The following KHDRBS2 variants were observed in gnomAD, a reference collection of about 807,000 sequenced individuals.
The protein encoded by KHDRBS2 is KH RNA binding domain containing, signal transduction associated 2.
Under a neutral mutation model 44.3 loss-of-function variants are expected in KHDRBS2, and 26 were observed. The observed-to-expected ratio is 0.59, with a 90% CI of 0.43 to 0.81. The LOEUF is 0.81. KHDRBS2 is among the 40% of genes least tolerant of loss of function. The pLI is 0.00. For missense variants in KHDRBS2, 476 were observed against 433.1 expected (o/e 1.10, Z -0.88); for synonymous variants, 194 against 151.1 (o/e 1.28, Z -2.08).
At chr6:61,601,712 A>G in the KHDRBS2 span, among the ~76,000 whole-genome samples, 1 of 151,470 alleles carries the variant, frequency 6.6e-6, no homozygotes, top group Admixed American at 6.6e-5. Context: ...TTTTCTACAG[A>G]CCCATCTCAC....
chr6:61,580,595 G>A, the KHDRBS2 span, among the ~76,000 whole-genome samples: 2 of 152,098 alleles, frequency 1.3e-5, no homozygotes, highest in Non-Finnish European at 2.9e-5. Context: ...AGAGTCTGTG[G>A]CTTCATTCCT....
At chr6:62,070,249 A>G (rs1222229713) in intron 2 of KHDRBS2, among the ~76,000 whole-genome samples, 1 of 151,330 alleles carries the variant, frequency 6.6e-6, no homozygotes, top group Non-Finnish European at 1.5e-5. Flanking sequence ...AGGGATATTG[A>G]TATATAGTTT....
intron 2 of KHDRBS2, among the ~76,000 whole-genome samples, chr6:62,053,999 C>T (rs577811829): frequency 4.6e-5 from 7 of 152,098 alleles, no homozygotes; most frequent in Non-Finnish European, 7.4e-5. Flanking sequence ...AATTTAGCCA[C>T]AGATGTTCAA....
At chr6:62,065,938 T>A (rs903904941) in intron 2 of KHDRBS2, among the ~76,000 whole-genome samples, 2 of 151,686 alleles carry the variant, frequency 1.3e-5, no homozygotes, top group African/African-American at 4.8e-5. Flanking sequence ...TGCTTCTGCA[T>A]TGTTTTTTTG....
At chr6:62,266,751 A>G (rs1468816037) in intron 1 of KHDRBS2, among the ~76,000 whole-genome samples, 4 of 151,988 alleles carry the variant, frequency 2.6e-5, no homozygotes, top group Non-Finnish European at 5.9e-5. Context: ...ACCCTAACAC[A>G]CAAGCAAAAA....
chr6:62,176,003 C>T (rs1821016859), intron 2 of KHDRBS2, among the ~76,000 whole-genome samples: 1 of 151,190 alleles, frequency 6.6e-6, no homozygotes, highest in Non-Finnish European at 1.5e-5. Context: ...CAAGTTATAC[C>T]ATATTTAAAT....
chr6:62,127,247 T>C (rs1809183905), intron 2 of KHDRBS2, among the ~76,000 whole-genome samples: 1 of 152,182 alleles, frequency 6.6e-6, no homozygotes, highest in African/African-American at 2.4e-5. Context: ...AAGATAGAGA[T>C]AGATATTCAT....
At chr6:62,115,613 T>C (rs1806034156) in intron 2 of KHDRBS2, among the ~76,000 whole-genome samples, 1 of 152,300 alleles carries the variant, frequency 6.6e-6, no homozygotes, top group East Asian at 1.9e-4. Context: ...TTGGCTTGCT[T>C]TCCGCAAATG....
chr6:62,104,328 C>T (rs1021691523), intron 2 of KHDRBS2, among the ~76,000 whole-genome samples: 2 of 151,742 alleles, frequency 1.3e-5, no homozygotes, highest in Non-Finnish European at 1.5e-5. Flanking sequence ...TTTTAGGGTA[C>T]ATGTGCACAT....
intron 6 of KHDRBS2, among the ~76,000 whole-genome samples, chr6:61,870,052 T>C (rs931208835): frequency 7.2e-6 from 1 of 138,636 alleles, no homozygotes; most frequent in African/African-American, 2.7e-5. Context: ...AGGAAAGGGG[T>C]GGGGCTGAAG....
At chr6:62,107,772 C>T (rs969542818) in intron 2 of KHDRBS2, among the ~76,000 whole-genome samples, 11 of 152,176 alleles carry the variant, frequency 7.2e-5, no homozygotes, top group African/African-American at 2.6e-4. Context: ...CAGAACAGAG[C>T]TCTCAGAAAT....
intron 2 of KHDRBS2, among the ~76,000 whole-genome samples, chr6:62,054,052 T>C (rs1264768339): frequency 6.6e-6 from 1 of 152,048 alleles, no homozygotes. Flanking sequence ...TTGAGAGATA[T>C]ATTGTGTTCA....
intron 1 of KHDRBS2, among the ~76,000 whole-genome samples, chr6:62,221,328 T>G (rs937237343): frequency 6.6e-6 from 1 of 152,020 alleles, no homozygotes; most frequent in Non-Finnish European, 1.5e-5. Flanking sequence ...TGGGGAGATA[T>G]ATGTCAAAGG....
chr6:61,594,958 A>T, the KHDRBS2 span, among the ~76,000 whole-genome samples: 3 of 152,122 alleles, frequency 2.0e-5, no homozygotes, highest in African/African-American at 7.2e-5. Context: ...GAAAGCAAAA[A>T]TCTTCACCAA....
intron 1 of KHDRBS2, among the ~76,000 whole-genome samples, chr6:62,259,560 T>G (rs2150180709): frequency 6.6e-6 from 1 of 152,148 alleles, no homozygotes; most frequent in East Asian, 1.9e-4. Flanking sequence ...TGTTTTATTT[T>G]GTTAATATAG....
intron 1 of KHDRBS2, among the ~76,000 whole-genome samples, chr6:62,262,982 T>C (rs560933398): frequency 8.6e-5 from 13 of 151,870 alleles, no homozygotes; most frequent in African/African-American, 3.1e-4. Context: ...AATCATGCCT[T>C]ACAGGCAAGC....
chr6:61,899,576 A>G (rs1803545251), intron 5 of KHDRBS2, among the ~76,000 whole-genome samples: 1 of 151,964 alleles, frequency 6.6e-6, no homozygotes, highest in African/African-American at 2.4e-5. Flanking sequence ...TAAATGGATT[A>G]AAATCTTAGA....
chr6:61,644,950 C>A, the KHDRBS2 span, among the ~76,000 whole-genome samples: 13 of 152,050 alleles, frequency 8.5e-5, no homozygotes, highest in African/African-American at 2.4e-4. Context: ...TTCAACCCAG[C>A]AATCTCATTA....
chr6:61,627,017 G>T, the KHDRBS2 span, among the ~76,000 whole-genome samples: 1 of 152,004 alleles, frequency 6.6e-6, no homozygotes, highest in African/African-American at 2.4e-5. Context: ...ACTTTGGGAG[G>T]CCGAGGCGGG....
Sources: gnomAD v4.1 joint callset for allele counts (sites outside exome capture counted in the v4.1 genomes callset) on GRCh38, gnomAD v4.1.1 for gene constraint, MANE v1.5 for transcripts, NCBI Gene and HGNC (gene_info 2026-07-23, HGNC 2026-07-21) for gene names.